PDLIM7: variants seen among roughly 807,000 people sequenced by gnomAD.
PDLIM7 encodes the protein PDZ and LIM domain protein 7.
PDLIM7 carries 37 observed loss-of-function variants against 53.9 expected under a neutral mutation model. The observed-to-expected ratio is 0.69, with a 90% CI of 0.53 to 0.90. The LOEUF is 0.90. Among genes scored for constraint, PDLIM7 ranks in the 40% least tolerant of loss-of-function variants. The probability of loss-of-function intolerance (pLI) is 0.00; values close to 1 mark genes in which losing one functional copy is unlikely to be tolerated. For synonymous variants in PDLIM7, 300 were observed against 261.3 expected (o/e 1.15, Z -1.43); for missense variants, 617 against 638.5 (o/e 0.97, Z 0.36).
chr5:177,496,319 C>T (rs1759067575), intron 2 of PDLIM7, 98 bp downstream of exon 2: 1 of 869,086 alleles, frequency 1.2e-6, no homozygotes, highest in Non-Finnish European at 1.7e-6. Flanking sequence ...GGCCTGCTGG[C>T]CCCTGACCAG....
chr5:177,485,565 C>T (rs979531689), intron 10 of PDLIM7, among the ~76,000 whole-genome samples: 3 of 152,212 alleles, frequency 2.0e-5, no homozygotes, highest in African/African-American at 7.2e-5. Flanking sequence ...ATCCAGGGAT[C>T]CCAGATCCAA....
rs374182770 is a variant in PDLIM7, at chr5:177,491,075, G to A, written c.470C>T (p.Pro157Leu). ...ACGCGACTGGCCTGTCCCCGGCCGC[G>A]GCCGCCAGTCCTCTGTGTTCTCCAT... is the stretch of plus-strand genomic sequence containing the variant. Reference protein sequence around the residue: ...RLMENTEDWRPRPGTGQSRSF... With the variant: ...RLMENTEDWRLRPGTGQSRSF... The change falls in exon 6 of 13, where the codon CCG becomes CTG. Residue 157 changes from proline (P) to leucine (L), a missense_variant. Pro to Leu is a moderately conservative substitution (Grantham distance 98). Transcript: ENST00000355841. 32 of 1,611,248 alleles carry A rather than the reference G, an allele frequency of 2.0e-5. No individual in the cohort carries two copies. Among genetic ancestry groups the A allele is most frequent in the Non-Finnish European group, 2.2e-5 (26 of 1,179,172 alleles).
At chr5:177,489,297 C>T in intron 9 of PDLIM7, 96 bp downstream of exon 9, 1 of 923,176 alleles carries the variant, frequency 1.1e-6, no homozygotes, top group South Asian at 1.7e-5. Flanking sequence ...AATCCTTATT[C>T]CCCCCAGTCG....
chr5:177,483,781 C>A, intron 12 of PDLIM7, 51 bp from the exon 13 acceptor site: 1 of 1,577,488 alleles, frequency 6.3e-7, no homozygotes, highest in Middle Eastern at 1.7e-4. Context: ...GCAGGAGAGG[C>A]CCCTTCCCAA....
In PDLIM7 at chr5:177,491,902, AGGG is replaced by A; in HGVS notation, c.300_302del (p.Pro102del). ...CGCTGGGTGCAAAGGTGTACCGCGGAGGGTCCGCGGCGGGGGCGGAGGCCTGGG... is the reference window on the plus strand; with the variant it reads ...CGCTGGGTGCAAAGGTGTACCGCGGATCCGCGGCGGGGGCGGAGGCCTGGG... On this transcript the variant is annotated inframe_deletion, in exon 5 of 13. Transcript: ENST00000355841. The A allele has an allele frequency of 1.0e-6, 1 of 992,874 alleles. No individual in the cohort carries two copies. The highest frequency in any genetic ancestry group is 1.2e-6 in the Non-Finnish European group (1 of 841,380). The allele number at this position is 992,874 out of a possible 1,614,324, so 61.5% of individuals were successfully genotyped here.
Position 177,490,748 on chromosome 5 carries a change from AG to A in PDLIM7, c.572+121del, listed in dbSNP as rs1581759035. On this transcript the variant is annotated intron_variant, in intron 7 of 12. Coordinates refer to ENST00000355841, the MANE Select transcript of PDLIM7 (RefSeq NM_005451.5). The stretch of plus-strand genomic sequence containing the variant: ...AAGGAAGGAAGGAAGGAAGGAAGGA[AG>A]GAAGGAAGGAAGGAAGGGAGAATTG... 1.0e-5 allele frequency: 10 copies of A among 967,840 alleles called. No individual in the cohort carries two copies. In the East Asian group the frequency reaches 2.5e-4, roughly 24 times the overall value. The allele number at this position is 967,840 out of a possible 1,614,324, so 60.0% of individuals were successfully genotyped here.
At chr5:177,490,625 G>T in intron 7 of PDLIM7, 1 of 1,475,140 alleles carries the variant, frequency 6.8e-7, no homozygotes. Context: ...AGGAAGAAGT[G>T]GAAGGAAGGA....
At chr5:177,484,224 G>C (rs1037663801) in intron 10 of PDLIM7, 34 bp from the exon 11 acceptor site, 1 of 1,608,196 alleles carries the variant, frequency 6.2e-7, no homozygotes, top group African/African-American at 1.3e-5. Flanking sequence ...GGCAGGCTCA[G>C]GCCCCTCCTG....
Position 177,483,617 on chromosome 5 carries a change from A to T in PDLIM7, c.*27T>A. 1 of 1,479,422 alleles carries T rather than the reference A, an allele frequency of 6.8e-7. No individual in the cohort carries two copies. The highest frequency in any genetic ancestry group is 9.4e-7 in the Non-Finnish European group (1 of 1,060,202). 91.6% of individuals were successfully genotyped at this position (1,479,422 alleles called of 1,614,324 possible). A position where few individuals can be genotyped will look rare whatever the true frequency, so the allele number is the denominator to read the frequency against. On this transcript the variant is annotated 3_prime_UTR_variant, in exon 13 of 13. Transcript: ENST00000355841. ...CTCCAGGCCCCTCAGGCTAGGGGCCACCGCGGCAGCTGTGGGCAGAAGGGG... is the reference window on the plus strand; with the variant it reads ...CTCCAGGCCCCTCAGGCTAGGGGCCTCCGCGGCAGCTGTGGGCAGAAGGGG...
chr5:177,483,620 G>C lies in PDLIM7; in HGVS notation c.*24C>G. The C allele has an allele frequency of 6.4e-7, 1 of 1,563,396 alleles. No homozygotes were observed. The highest frequency in any genetic ancestry group is 1.1e-5 in the South Asian group (1 of 89,856). On this transcript the variant is annotated 3_prime_UTR_variant, in exon 13 of 13. Coordinates refer to ENST00000355841, the MANE Select transcript of PDLIM7 (RefSeq NM_005451.5). ...CAGGCCCCTCAGGCTAGGGGCCACCGCGGCAGCTGTGGGCAGAAGGGGCTC... is the reference window on the plus strand; with the variant it reads ...CAGGCCCCTCAGGCTAGGGGCCACCCCGGCAGCTGTGGGCAGAAGGGGCTC...
intron 4 of PDLIM7, 144 bp downstream of exon 4, chr5:177,492,261 G>A: frequency 9.8e-7 from 1 of 1,020,276 alleles, no homozygotes; most frequent in Non-Finnish European, 1.4e-6. Flanking sequence ...TCAACTCCAG[G>A]GCCCTAGACC....
intron 10 of PDLIM7, among the ~76,000 whole-genome samples, chr5:177,485,469 C>G (rs1201013210): frequency 6.6e-6 from 1 of 152,236 alleles, no homozygotes; most frequent in East Asian, 1.9e-4. Context: ...AGACCTTGAC[C>G]TTCTCAAGTC....
intron 9 of PDLIM7, among the ~76,000 whole-genome samples, chr5:177,488,669 T>G (rs577501224): frequency 2.0e-5 from 3 of 152,160 alleles, no homozygotes; most frequent in Non-Finnish European, 4.4e-5. Flanking sequence ...AGGCCTGAGA[T>G]CACCTGAGGT....
chr5:177,489,711 C>T, intron 8 of PDLIM7, 60 bp downstream of exon 8: 1 of 1,483,130 alleles, frequency 6.7e-7, no homozygotes, highest in Non-Finnish European at 8.9e-7. Context: ...AGAAGCCCAC[C>T]ACCCCCATGC....
chr5:177,492,391 G>C lies in PDLIM7; in HGVS notation c.279+14C>G. 1 of 1,612,742 alleles carries C rather than the reference G, an allele frequency of 6.2e-7. No individual in the cohort carries two copies. Among genetic ancestry groups the C allele is most frequent in the East Asian group, 2.2e-5 (1 of 44,844 alleles). ...ACACCGCCCACCGCCCGGATGTCCC[G>C]GCCAGCCTCGTACCTTCTGCGGTTT... On this transcript the variant is annotated intron_variant, in intron 4 of 12. Coordinates refer to ENST00000355841, the MANE Select transcript of PDLIM7 (RefSeq NM_005451.5).
rs557755829 is a variant in PDLIM7 at position 177,487,993 on chromosome 5, A to C, written c.1050+75T>G. The C allele has an allele frequency of 4.8e-6, 7 of 1,446,992 alleles. No individual in the cohort carries two copies. The East Asian group carries it at 1.4e-4, about 29-fold the overall frequency. 89.6% of individuals were successfully genotyped at this position (1,446,992 alleles called of 1,614,324 possible). On this transcript the variant is annotated intron_variant, in intron 10 of 12. Transcript: ENST00000355841. The stretch of plus-strand genomic sequence containing the variant: ...AGGGCTCACTCGGGGAGAGACCTGG[A>C]CTGTGGGTTTCCCAGCAGCCCTCGT...
At chr5:177,497,059 C>T (rs1198454075) in intron 1 of PDLIM7, among the ~76,000 whole-genome samples, 1 of 135,474 alleles carries the variant, frequency 7.4e-6, no homozygotes, top group African/African-American at 2.7e-5. Flanking sequence ...GCGGCTGCAG[C>T]GGATCCTCCT....
intron 5 of PDLIM7, chr5:177,491,447 A>C (rs1475321099): frequency 6.5e-7 from 1 of 1,531,940 alleles, no homozygotes; most frequent in Admixed American, 2.0e-5. Flanking sequence ...ACAGACAGAC[A>C]GATAAAGGGA....
At position 177,489,348 on chromosome 5, in the gene PDLIM7, C is replaced by G. The variant is rs545288507; in HGVS notation, c.869+45G>C. 2.3e-5 allele frequency: 33 copies of G among 1,412,422 alleles called. 1 individual carries two copies. In the Middle Eastern group the frequency reaches 1.1e-3, roughly 47 times the overall value. 87.5% of individuals were successfully genotyped at this position (1,412,422 alleles called of 1,614,324 possible). On this transcript the variant is annotated intron_variant, in intron 9 of 12. Coordinates refer to ENST00000355841, the MANE Select transcript of PDLIM7 (RefSeq NM_005451.5). Reference sequence around the variant, plus strand: ...AGGTGGGCAGACAGGTGGGGCTGGGCTGCAGGATGGGAAAGCCAGGGTCGG... The same window carrying G: ...AGGTGGGCAGACAGGTGGGGCTGGGGTGCAGGATGGGAAAGCCAGGGTCGG...
Sources: allele counts gnomAD v4.1 joint callset (sites outside exome capture counted in the v4.1 genomes callset), GRCh38; gene constraint gnomAD v4.1.1; transcripts MANE v1.5; gene names NCBI Gene and HGNC (gene_info 2026-07-23, HGNC 2026-07-21).